The following CDIN1 variants were observed in gnomAD, a reference collection of about 807,000 sequenced individuals.
The protein encoded by CDIN1 is CDAN1 interacting nuclease 1, also known as CDAN1-interacting nuclease 1.
CDIN1 carries 33 observed loss-of-function variants against 45.3 expected under a neutral mutation model. The ratio of observed to expected loss-of-function variants is 0.73; its 90% CI spans 0.55 to 0.97. CDIN1 has a LOEUF of 0.97. CDIN1 is among the 50% of genes least tolerant of loss of function. The pLI is 0.00. For synonymous variants in CDIN1, 118 were observed against 124.4 expected (o/e 0.95, Z 0.34); for missense variants, 303 against 339.4 (o/e 0.89, Z 0.84).
chr15:36,696,911 A>G (rs1005569971), intron 7 of CDIN1, among the ~76,000 whole-genome samples: 2 of 148,666 alleles, frequency 1.3e-5, no homozygotes, highest in African/African-American at 5.0e-5. Flanking sequence ...TAGGAGTTTG[A>G]GACCAGCCTG....
intron 1 of CDIN1, among the ~76,000 whole-genome samples, chr15:36,632,370 T>G (rs944194324): frequency 1.3e-5 from 2 of 152,168 alleles, no homozygotes; most frequent in African/African-American, 4.8e-5. Flanking sequence ...AGAATGTGAT[T>G]GTCATGAATA....
intron 1 of CDIN1, among the ~76,000 whole-genome samples, chr15:36,639,511 C>T (rs997397272): frequency 2.0e-5 from 3 of 152,070 alleles, no homozygotes; most frequent in Non-Finnish European, 4.4e-5. Flanking sequence ...ATAGCTTGAA[C>T]CAGGAGGCGG....
In CDIN1 at chr15:36,644,294, C is replaced by T. The variant is rs375126028; in HGVS notation, c.118C>T (p.Leu40=). The T allele has an allele frequency of 4.3e-6, 7 of 1,613,674 alleles. No individual in the cohort carries two copies. The African/African-American group carries it at 9.3e-5, about 22-fold the overall frequency. ...TTGTTCCAGTCAATCGCAGGCCACT[C>T]TGCTGAGCATCTTCTCCCAGGAGTA... ...QRFPSQSQAT[L]LSIFSQEYQK... Residue 40 remains leucine, a synonymous_variant, in exon 2 of 11, where the codon CTG becomes TTG. Coordinates refer to ENST00000566621, the MANE Select transcript of CDIN1 (RefSeq NM_001321759.2).
At chr15:36,636,806 A>G (rs1383058639) in intron 1 of CDIN1, among the ~76,000 whole-genome samples, 1 of 152,236 alleles carries the variant, frequency 6.6e-6, no homozygotes, top group Non-Finnish European at 1.5e-5. Context: ...TAAATCACCA[A>G]TCAATAATAA....
intron 10 of CDIN1, among the ~76,000 whole-genome samples, chr15:36,793,189 T>G (rs925766156): frequency 6.6e-6 from 1 of 152,178 alleles, no homozygotes; most frequent in Non-Finnish European, 1.5e-5. Flanking sequence ...TTTCTGTTTC[T>G]TTCATACACT....
rs559868052 is a variant in CDIN1 at position 36,655,722 on chromosome 15, G to A, written c.273+1564G>A. ...AGCTTTAACTAGGAATTTAGTGATTGTCTTTTATGAAAAAGAAGAATAAGC... is the reference window on the plus strand; with the variant it reads ...AGCTTTAACTAGGAATTTAGTGATTATCTTTTATGAAAAAGAAGAATAAGC... On this transcript the variant is annotated intron_variant, in intron 4 of 10. Coordinates refer to ENST00000566621, the MANE Select transcript of CDIN1 (RefSeq NM_001321759.2). Among the ~76,000 whole-genome samples the A allele has an allele frequency of 3.3e-5, 5 of 152,270 alleles. No homozygotes were observed. In the East Asian group the frequency reaches 9.6e-4, roughly 29 times the overall value.
chr15:36,701,120 AGGT>A (rs2042620318), intron 8 of CDIN1, among the ~76,000 whole-genome samples: 3 of 78,466 alleles, frequency 3.8e-5, no homozygotes, highest in African/African-American at 6.3e-5. Context: ...ATAGATAGGT[AGGT>A]AGATAGATAG....
chr15:36,684,688 G>A (rs1490029564), intron 5 of CDIN1, among the ~76,000 whole-genome samples: 101 of 141,346 alleles, frequency 7.1e-4, no homozygotes, highest in Admixed American at 1.7e-3. Flanking sequence ...GGTAGAATTC[G>A]GCTGTGAATC....
At chr15:36,796,233 A>G (rs1159169146) in intron 10 of CDIN1, among the ~76,000 whole-genome samples, 2 of 152,192 alleles carry the variant, frequency 1.3e-5, no homozygotes, top group Non-Finnish European at 2.9e-5. Context: ...GGCAACAATG[A>G]ACATATACAG....
chr15:36,760,113 C>T (rs2053718761), intron 10 of CDIN1, among the ~76,000 whole-genome samples: 1 of 152,116 alleles, frequency 6.6e-6, no homozygotes, highest in Non-Finnish European at 1.5e-5. Context: ...CTATGTGACC[C>T]TTTGTAGTAG....
chr15:36,580,082 G>A, intron 1 of CDIN1, 121 bp downstream of exon 1: 1 of 827,286 alleles, frequency 1.2e-6, no homozygotes, highest in Non-Finnish European at 1.9e-6. Context: ...AGTGTCAGGC[G>A]TTAGGAGGTC....
Position 36,645,819 on chromosome 15 carries a change from C to T in CDIN1, c.212+532C>T, listed in dbSNP as rs567111955. 1.6e-4 allele frequency among the ~76,000 whole-genome samples: 25 copies of T among 152,088 alleles called. No homozygotes were observed. In the South Asian group the frequency reaches 4.4e-3, roughly 27 times the overall value. On this transcript the variant is annotated intron_variant, in intron 3 of 10. Transcript: ENST00000566621. The stretch of plus-strand genomic sequence containing the variant: ...TTTGGAGATATATTGTAGTGTATAA[C>T]GGTCACATTTTAAAGGGGATTTTGT...
chr15:36,713,402 TTC>T (rs144224141), intron 10 of CDIN1, among the ~76,000 whole-genome samples: 5,443 of 152,268 alleles, frequency 0.036, 117 homozygotes, highest in Non-Finnish European at 0.048. Context: ...ACCTCTCTGC[TTC>T]TCTCAAAGAA....
rs1209395720 is a variant in CDIN1 at position 36,613,969 on chromosome 15, A to C, written c.102-30309A>C. 3.9e-6 allele frequency: 6 copies of C among 1,536,136 alleles called. No homozygotes were observed. In the African/African-American group the frequency reaches 6.8e-5, roughly 17 times the overall value. On this transcript the variant is annotated intron_variant, in intron 1 of 10. Coordinates refer to ENST00000566621, the MANE Select transcript of CDIN1 (RefSeq NM_001321759.2). Reference sequence around the variant, plus strand: ...TGAGCAGATCAGACTGATGGACCAGAACCTGAAGTGTCTGAGTGCTGCTGA... The same window carrying C: ...TGAGCAGATCAGACTGATGGACCAGCACCTGAAGTGTCTGAGTGCTGCTGA...
Position 36,600,903 on chromosome 15 carries a change from A to G in CDIN1, c.101+20942A>G, listed in dbSNP as rs564797825. ...TTAACATTTGTAGATAGACTTTTCA[A>G]TCCATTTTTATGTCATTTTTCCTAT... On this transcript the variant is annotated intron_variant, in intron 1 of 10. Transcript: ENST00000566621. 3.3e-5 allele frequency among the ~76,000 whole-genome samples: 5 copies of G among 152,290 alleles called. No individual in the cohort carries two copies. In the East Asian group the frequency reaches 9.6e-4, roughly 29 times the overall value.
chr15:36,727,639 A>G (rs1041509705), intron 10 of CDIN1, among the ~76,000 whole-genome samples: 1 of 152,224 alleles, frequency 6.6e-6, no homozygotes, highest in African/African-American at 2.4e-5. Flanking sequence ...TCAGAGTTGC[A>G]TAAAAATTAT....
chr15:36,721,383 ATTTT>A, intron 10 of CDIN1, among the ~76,000 whole-genome samples: 1 of 152,190 alleles, frequency 6.6e-6, no homozygotes, highest in African/African-American at 2.4e-5. Context: ...TTGCATTTTC[ATTTT>A]TATTTGGTTC....
intron 1 of CDIN1, among the ~76,000 whole-genome samples, chr15:36,585,009 C>T (rs1443998899): frequency 6.6e-6 from 1 of 152,200 alleles, no homozygotes; most frequent in East Asian, 1.9e-4. Context: ...TATTGATTGA[C>T]ATTTTTTAAT....
In CDIN1 at chr15:36,579,678, C is replaced by G. The variant is rs1383063322; in HGVS notation, c.-183C>G. On this transcript the variant is annotated 5_prime_UTR_variant, in exon 1 of 11. Coordinates refer to ENST00000566621, the MANE Select transcript of CDIN1 (RefSeq NM_001321759.2). Reference sequence around the variant, plus strand: ...CGGAGGTGCCGGTGGAGCCTGGGACCGGGCGAGTCTCCGCCCCGCTTTTGC... The same window carrying G: ...CGGAGGTGCCGGTGGAGCCTGGGACGGGGCGAGTCTCCGCCCCGCTTTTGC... 1 of 563,304 alleles carries G rather than the reference C, an allele frequency of 1.8e-6. No individual in the cohort carries two copies. Among genetic ancestry groups the G allele is most frequent in the Non-Finnish European group, 3.1e-6 (1 of 318,176 alleles). 34.9% of individuals were successfully genotyped at this position (563,304 alleles called of 1,614,324 possible).
Sources: allele counts gnomAD v4.1 joint callset (sites outside exome capture counted in the v4.1 genomes callset), GRCh38; gene constraint gnomAD v4.1.1; transcripts MANE v1.5; gene names NCBI Gene and HGNC (gene_info 2026-07-23, HGNC 2026-07-21).